LARP4B: variants seen among roughly 807,000 people sequenced by gnomAD.
The protein encoded by LARP4B is La ribonucleoprotein 4B, also known as la-related protein 4B.
In LARP4B, 12 loss-of-function variants were observed where a neutral mutation model predicts 89.8. That is an observed-to-expected ratio of 0.13 (90% CI 0.09 to 0.22). The LOEUF (loss-of-function observed/expected upper bound fraction) is 0.22. Ranked by LOEUF, LARP4B falls within the 10% of genes least tolerant of loss-of-function variation. LARP4B has a pLI of 1.00. For synonymous variants in LARP4B, 367 were observed against 363.3 expected, an observed-to-expected ratio of 1.01 and a Z score of -0.12; for missense variants, 757 against 947.7, an observed-to-expected ratio of 0.80 and a Z score of 2.64.
At chr10:976,495 CTAG>C in the LARP4B span, among the ~76,000 whole-genome samples, 1 of 145,462 alleles carries the variant, frequency 6.9e-6, no homozygotes, top group Non-Finnish European at 1.5e-5. Flanking sequence ...TGGATCCAGC[CTAG>C]TAGAAGGTAG....
At chr10:840,036 T>C (rs1261680262) in intron 7 of LARP4B, among the ~76,000 whole-genome samples, 1 of 151,926 alleles carries the variant, frequency 6.6e-6, no homozygotes, top group Admixed American at 6.6e-5. Context: ...CATAATCGAC[T>C]CCATTTACAT....
the LARP4B span, among the ~76,000 whole-genome samples, chr10:976,363 G>A: frequency 6.6e-6 from 1 of 150,944 alleles, no homozygotes; most frequent in African/African-American, 2.4e-5. Flanking sequence ...CGCGTAATGT[G>A]TGGCCCGGCT....
chr10:943,805 C>T, the LARP4B span, among the ~76,000 whole-genome samples: 1 of 151,640 alleles, frequency 6.6e-6, no homozygotes, highest in Non-Finnish European at 1.5e-5. Context: ...AGTGCAGCGG[C>T]ATTTCCGGGG....
At chr10:841,338 T>G (rs1833511438) in intron 7 of LARP4B, among the ~76,000 whole-genome samples, 1 of 152,092 alleles carries the variant, frequency 6.6e-6, no homozygotes, top group Admixed American at 6.5e-5. Context: ...TGTCCAAAAA[T>G]CGAGTGAAAA....
intron 5 of LARP4B, among the ~76,000 whole-genome samples, chr10:854,391 C>T (rs986186641): frequency 2.6e-5 from 4 of 152,120 alleles, no homozygotes; most frequent in Admixed American, 1.3e-4. Context: ...ACAGCTAGAG[C>T]CTTATGAAAT....
chr10:899,488 G>A (rs1454696446), intron 1 of LARP4B, among the ~76,000 whole-genome samples: 1 of 152,152 alleles, frequency 6.6e-6, no homozygotes, highest in Non-Finnish European at 1.5e-5. Context: ...TACACACAGT[G>A]ATACTGAGAA....
chr10:836,088 C>T (rs1413102511), intron 8 of LARP4B, among the ~76,000 whole-genome samples: 2 of 151,996 alleles, frequency 1.3e-5, no homozygotes, highest in African/African-American at 4.8e-5. Context: ...CACAAAAGTG[C>T]TCTTTTTCAT....
intron 6 of LARP4B, 131 bp from the exon 7 acceptor site, chr10:843,199 C>A (rs546003330): frequency 1.2e-6 from 1 of 816,328 alleles, no homozygotes; most frequent in African/African-American, 1.7e-5. Context: ...AGCCCAGGAC[C>A]CATCTGTTAT....
chr10:814,613 A>G lies in LARP4B; in HGVS notation c.1929+129T>C. The G allele has an allele frequency of 6.5e-7, 1 of 1,540,658 alleles. No homozygotes were observed. Among genetic ancestry groups the G allele is most frequent in the Non-Finnish European group, 8.8e-7 (1 of 1,138,548 alleles). ...GTATTTTGTACAGAAAACACAACAC[A>G]GACAGACGCAAATAAAAACCCACCA... is the stretch of plus-strand genomic sequence containing the variant. On this transcript the variant is annotated intron_variant, in intron 17 of 17. Coordinates refer to ENST00000316157, the MANE Select transcript of LARP4B (RefSeq NM_015155.3). This position sits in a 1 kb window ranked among gnomAD's most constrained non-coding sequence, Gnocchi z 4.4.
Position 863,880 on chromosome 10 carries a change from G to A in LARP4B, c.293C>T (p.Ser98Leu), listed in dbSNP as rs570525919. ...CTGGTCACCATCACCATTGGCATCC[G>A]ATCCTACAATTAGGAGTTTACCCCA... ...GHHADRGPQGSDANGDGDQGH... is the reference protein window; with the variant it reads ...GHHADRGPQGLDANGDGDQGH... The change falls in exon 5 of 18, where the codon TCG (serine) becomes TTG (leucine). Residue 98 changes from serine (S) to leucine (L), a missense_variant. By Grantham distance (145) the Ser-to-Leu change is moderately radical (BLOSUM62 -2). Coordinates refer to ENST00000316157, the MANE Select transcript of LARP4B (RefSeq NM_015155.3). The A allele has an allele frequency of 1.2e-6, 2 of 1,609,376 alleles. No homozygotes were observed. The highest frequency in any genetic ancestry group is 2.2e-5 in the East Asian group (1 of 44,868).
the LARP4B span, among the ~76,000 whole-genome samples, chr10:945,581 G>C: frequency 6.6e-6 from 1 of 151,716 alleles, no homozygotes; most frequent in Non-Finnish European, 1.5e-5. Context: ...CCAGCTACTC[G>C]GGAGGCTGGG....
chr10:933,636 T>TAA (rs1830712967), upstream of LARP4B, among the ~76,000 whole-genome samples: 1 of 152,162 alleles, frequency 6.6e-6, no homozygotes, highest in Non-Finnish European at 1.5e-5. Context: ...CCTTTAATAT[T>TAA]AAAAGCATGT....
chr10:932,816 C>T (rs1233713999), upstream of LARP4B, among the ~76,000 whole-genome samples: 1 of 150,450 alleles, frequency 6.6e-6, no homozygotes. Context: ...CCCGAACCCC[C>T]GCCCCACACC....
chr10:893,097 A>G (rs1263102549), intron 1 of LARP4B, among the ~76,000 whole-genome samples: 3 of 148,686 alleles, frequency 2.0e-5, no homozygotes, highest in Non-Finnish European at 3.0e-5. Context: ...TTTTCCCAGT[A>G]GAGACGGGAT....
chr10:920,645 GC>G (rs1200251753), intron 1 of LARP4B, among the ~76,000 whole-genome samples: 1 of 152,044 alleles, frequency 6.6e-6, no homozygotes, highest in Non-Finnish European at 1.5e-5. Flanking sequence ...ATGGTGACGT[GC>G]CTGTAGTCCT....
At chr10:984,294 G>T in the LARP4B span, among the ~76,000 whole-genome samples, 1 of 152,146 alleles carries the variant, frequency 6.6e-6, no homozygotes, top group Non-Finnish European at 1.5e-5. Flanking sequence ...TCTGCCTGCA[G>T]ATATTTAGAA....
the LARP4B span, among the ~76,000 whole-genome samples, chr10:938,462 C>T: frequency 6.6e-6 from 1 of 151,562 alleles, no homozygotes; most frequent in Non-Finnish European, 1.5e-5. Flanking sequence ...ACCGTGTTAG[C>T]CAGGATAGGC....
chr10:891,763 CTT>C (rs1195585363), intron 1 of LARP4B, among the ~76,000 whole-genome samples: 1 of 152,188 alleles, frequency 6.6e-6, no homozygotes, highest in African/African-American at 2.4e-5. Flanking sequence ...CAATATATCT[CTT>C]AATTACTAAT....
chr10:836,647 G>C, intron 7 of LARP4B, 141 bp from the exon 8 acceptor site: 1 of 592,442 alleles, frequency 1.7e-6, no homozygotes, highest in Non-Finnish European at 2.9e-6. Context: ...TCTCACGTTA[G>C]ATTTTTCAAA....
Sources: gnomAD v4.1 joint callset for allele counts (sites outside exome capture counted in the v4.1 genomes callset) on GRCh38, gnomAD v4.1.1 for gene constraint, Gnocchi (gnomAD v3.1) non-coding constraint, MANE v1.5 for transcripts, NCBI Gene and HGNC (gene_info 2026-07-23, HGNC 2026-07-21) for gene names.